PIWIL2: variants seen among roughly 807,000 people sequenced by gnomAD.
PIWIL2 encodes the protein piwi-like protein 2.
PIWIL2 carries 81 observed loss-of-function variants against 116.5 expected under a neutral mutation model. The observed-to-expected ratio is 0.70, with a 90% CI of 0.58 to 0.84. The LOEUF (loss-of-function observed/expected upper bound fraction) is 0.84, where lower values mean the gene tolerates loss of function less well. Ranked by LOEUF, PIWIL2 falls within the 40% of genes least tolerant of loss-of-function variation. The probability of loss-of-function intolerance (pLI) is 0.00; values close to 1 mark genes in which losing one functional copy is unlikely to be tolerated. For synonymous variants in PIWIL2, 489 were observed against 429.5 expected (o/e 1.14, Z -1.71); for missense variants, 1,272 against 1,212.3 (o/e 1.05, Z -0.73).
chr8:22,321,757 C>A, intron 20 of PIWIL2: 2 of 380,498 alleles, frequency 5.3e-6, no homozygotes, highest in Non-Finnish European at 7.2e-6. Context: ...AGAGCTTATC[C>A]TGACTCAGCA....
At chr8:22,309,893 C>A in intron 14 of PIWIL2, 68 bp from the exon 15 acceptor site, 1 of 871,210 alleles carries the variant, frequency 1.1e-6, no homozygotes, top group Non-Finnish European at 1.9e-6. Flanking sequence ...CCTTATAGAG[C>A]AGTAGCAGTG....
chr8:22,353,764 C>CTTTTTTTTT (rs760913894), intron 21 of PIWIL2, among the ~76,000 whole-genome samples: 1,228 of 68,326 alleles, frequency 0.018, 300 homozygotes, highest in East Asian at 0.035. Flanking sequence ...GTTTCTACCA[C>CTTTTTTTTT]TTTTTTTTTT....
intron 5 of PIWIL2, among the ~76,000 whole-genome samples, chr8:22,283,516 C>A (rs1010356530): frequency 1.1e-4 from 16 of 152,208 alleles, no homozygotes; most frequent in African/African-American, 3.9e-4. Flanking sequence ...TCAAGCAATT[C>A]CCCTGCCTCA....
rs80273500 is a variant in PIWIL2 at position 22,308,082 on chromosome 8, A to G, written c.1686+9A>G. 95,159 of 1,610,590 alleles carry G rather than the reference A, an allele frequency of 0.059. 3,267 individuals carry two copies. The highest frequency in any genetic ancestry group is 0.11 in the Admixed American group (6,750 of 59,878). On this transcript the variant is annotated intron_variant, in intron 14 of 22. Transcript: ENST00000356766. Reference sequence around the variant, plus strand: ...AAAAGGATGTACATAAGGTAAACCAAAAAACGTGATGGTGTATGCACATGT... The same window carrying G: ...AAAAGGATGTACATAAGGTAAACCAGAAAACGTGATGGTGTATGCACATGT...
At chr8:22,306,188 G>A (rs894941926) in intron 13 of PIWIL2, among the ~76,000 whole-genome samples, 172 bp downstream of exon 13, 6 of 152,172 alleles carry the variant, frequency 3.9e-5, no homozygotes, top group African/African-American at 1.4e-4. Context: ...CATGATCCAT[G>A]TCCCTTCCCA....
chr8:22,307,884 T>G, intron 13 of PIWIL2, 49 bp from the exon 14 acceptor site: 1 of 1,437,316 alleles, frequency 7.0e-7, no homozygotes, highest in Non-Finnish European at 9.6e-7. Flanking sequence ...TTTAACTTCA[T>G]ATTGGTGAAG....
At chr8:22,350,666 A>G (rs1832332638) in intron 20 of PIWIL2, among the ~76,000 whole-genome samples, 1 of 152,102 alleles carries the variant, frequency 6.6e-6, no homozygotes, top group Non-Finnish European at 1.5e-5. Context: ...CATACTTGTA[A>G]ATGTAGTGCT....
At chr8:22,288,715 T>A in intron 8 of PIWIL2, 49 bp downstream of exon 8, 3 of 1,534,460 alleles carry the variant, frequency 2.0e-6, no homozygotes, top group Non-Finnish European at 2.7e-6. Flanking sequence ...AGTCTTGTAT[T>A]TACAGTAATG....
At chr8:22,302,279 T>C (rs1425739179) in intron 10 of PIWIL2, among the ~76,000 whole-genome samples, 2 of 152,108 alleles carry the variant, frequency 1.3e-5, no homozygotes, top group Admixed American at 6.6e-5. Context: ...CTTCCCGGGT[T>C]CAAGTGATTC....
At chr8:22,281,536 A>C (rs371189329) in intron 4 of PIWIL2, 21 bp downstream of exon 4, 4 of 1,539,324 alleles carry the variant, frequency 2.6e-6, no homozygotes, top group South Asian at 1.3e-5. Context: ...TTACCCTCTC[A>C]GGTAACTATC....
chr8:22,323,211 A>G (rs9792345), intron 20 of PIWIL2, among the ~76,000 whole-genome samples: 69,558 of 139,602 alleles, frequency 0.5, 18,615 homozygotes, highest in East Asian at 0.82. Context: ...GCAGTGGCAC[A>G]TTCTCGGCTC....
At chr8:22,311,333 G>T in intron 16 of PIWIL2, 33 bp downstream of exon 16, 1 of 1,527,062 alleles carries the variant, frequency 6.5e-7, no homozygotes, top group Non-Finnish European at 9.0e-7. Context: ...TTTATAGGAT[G>T]TCCATTTTAA....
At chr8:22,336,639 G>A (rs1831987002) in intron 20 of PIWIL2, among the ~76,000 whole-genome samples, 1 of 152,160 alleles carries the variant, frequency 6.6e-6, no homozygotes, top group Non-Finnish European at 1.5e-5. Flanking sequence ...GGGTGCAGTG[G>A]CTCATGCTTG....
intron 20 of PIWIL2, among the ~76,000 whole-genome samples, chr8:22,342,079 A>T (rs143195783): frequency 5.3e-5 from 8 of 152,182 alleles, no homozygotes; most frequent in African/African-American, 1.9e-4. Flanking sequence ...GCAGAAAAAA[A>T]TGGAGTACTT....
intron 21 of PIWIL2, among the ~76,000 whole-genome samples, chr8:22,353,877 G>A (rs1424754372): frequency 6.8e-6 from 1 of 146,860 alleles, no homozygotes; most frequent in African/African-American, 2.5e-5. Flanking sequence ...TTAGGCCCAG[G>A]TGATCCTCCC....
chr8:22,340,681 A>G (rs1468279115), intron 20 of PIWIL2, among the ~76,000 whole-genome samples: 3 of 152,156 alleles, frequency 2.0e-5, no homozygotes, highest in African/African-American at 7.2e-5. Flanking sequence ...AACCACCAGA[A>G]GCTTGAACAG....
chr8:22,344,916 GTC>G (rs1832191083), intron 20 of PIWIL2, among the ~76,000 whole-genome samples: 1 of 152,176 alleles, frequency 6.6e-6, no homozygotes, highest in Non-Finnish European at 1.5e-5. Context: ...AGTAATAAAA[GTC>G]TTGTCCAGGA....
At position 22,302,060 on chromosome 8, in the gene PIWIL2, T is replaced by A. The variant is rs140228190; in HGVS notation, c.1182-1961T>A. Among the ~76,000 whole-genome samples the A allele has an allele frequency of 2.3e-3, 348 of 152,300 alleles. 2 individuals are homozygous for A. The highest frequency in any genetic ancestry group is 6.1e-3 in the Admixed American group (94 of 15,302). ...TCAGTTCAAGATATTTTCTCATTTCTCTTGTGCTTTCTTCTTTGATCTGTG... is the reference window on the plus strand; with the variant it reads ...TCAGTTCAAGATATTTTCTCATTTCACTTGTGCTTTCTTCTTTGATCTGTG... On this transcript the variant is annotated intron_variant, in intron 10 of 22. Coordinates refer to ENST00000356766, the MANE Select transcript of PIWIL2 (RefSeq NM_018068.5).
intron 16 of PIWIL2, among the ~76,000 whole-genome samples, chr8:22,314,090 G>A (rs2132049204): frequency 6.6e-6 from 1 of 152,300 alleles, no homozygotes; most frequent in East Asian, 1.9e-4. Flanking sequence ...ATCAGGGCCA[G>A]CTCTGGGTAA....
Sources: allele counts gnomAD v4.1 joint callset (sites outside exome capture counted in the v4.1 genomes callset), GRCh38; gene constraint gnomAD v4.1.1; transcripts MANE v1.5; gene names NCBI Gene and HGNC (gene_info 2026-07-23, HGNC 2026-07-21).